Variants in AVEN observed in about 807,000 individuals in gnomAD.
AVEN encodes the protein cell death regulator Aven.
Under a neutral mutation model 38.1 loss-of-function variants are expected in AVEN, and 41 were observed. The observed-to-expected ratio is 1.08, with a 90% CI of 0.84 to 1.40. The LOEUF (loss-of-function observed/expected upper bound fraction) is 1.40. Among genes scored for constraint, AVEN ranks in the 40% most tolerant of loss-of-function variants. AVEN has a pLI of 0.00. For synonymous variants in AVEN, 206 were observed against 171.8 expected, an observed-to-expected ratio of 1.20 and a Z score of -1.56; for missense variants, 605 against 438.8, an observed-to-expected ratio of 1.38 and a Z score of -3.38.
chr15:34,046,334 G>T (rs1899678442), intron 5 of AVEN, among the ~76,000 whole-genome samples: 1 of 91,082 alleles, frequency 1.1e-5, no homozygotes, highest in South Asian at 4.9e-4. Flanking sequence ...CTCCCAAAAA[G>T]TGAGGCAGGA....
At chr15:33,928,717 A>G (rs1893724758) in intron 2 of AVEN, among the ~76,000 whole-genome samples, 1 of 152,194 alleles carries the variant, frequency 6.6e-6, no homozygotes, top group African/African-American at 2.4e-5. Context: ...CATCCTTCCC[A>G]GAGGGACTGC....
chr15:34,029,812 T>G (rs1200379409), intron 1 of AVEN, among the ~76,000 whole-genome samples: 3 of 152,228 alleles, frequency 2.0e-5, no homozygotes, highest in African/African-American at 7.2e-5. Flanking sequence ...AATATAAGAC[T>G]AATCTTCAAT....
chr15:34,073,731 G>A (rs1168323638), intron 1 of AVEN, among the ~76,000 whole-genome samples: 3 of 151,028 alleles, frequency 2.0e-5, no homozygotes, highest in African/African-American at 7.3e-5. Flanking sequence ...ATGTTGGCCA[G>A]GCTGGTCTTG....
At chr15:33,854,508 A>G, downstream of AVEN, 4 of 1,396,704 alleles carry the variant, frequency 2.9e-6, no homozygotes, top group South Asian at 5.2e-5. Flanking sequence ...TGCCACAGAG[A>G]AGCAAGCTAT....
chr15:33,978,993 C>A (rs547774314), intron 2 of AVEN, among the ~76,000 whole-genome samples: 8 of 152,124 alleles, frequency 5.3e-5, no homozygotes, highest in Admixed American at 3.9e-4. Context: ...ATAAATGGGA[C>A]CTACTGGCTC....
intron 1 of AVEN, among the ~76,000 whole-genome samples, chr15:34,028,915 A>G (rs900508262): frequency 3.9e-5 from 6 of 152,086 alleles, no homozygotes; most frequent in Non-Finnish European, 8.8e-5. Context: ...AAAAATTGGG[A>G]GAGAAAGTAA....
intron 2 of AVEN, among the ~76,000 whole-genome samples, chr15:33,911,817 C>G (rs1032885181): frequency 1.1e-4 from 16 of 152,164 alleles, no homozygotes; most frequent in African/African-American, 3.6e-4. Context: ...TACAGGCTAG[C>G]AACTAGCTAA....
At chr15:34,073,022 T>C (rs537658975) in intron 1 of AVEN, among the ~76,000 whole-genome samples, 11 of 138,590 alleles carry the variant, frequency 7.9e-5, no homozygotes, top group Admixed American at 7.2e-4. Flanking sequence ...CTTTTTTCTA[T>C]GTACAGACAC....
At chr15:33,863,375 T>A (rs149069786), downstream of AVEN, among the ~76,000 whole-genome samples, 4,929 of 152,276 alleles carry the variant, frequency 0.032, 156 homozygotes, top group Non-Finnish European at 0.039. Flanking sequence ...TGACGCTCTA[T>A]ACACTATACC....
At chr15:34,012,331 C>T (rs1305968926) in intron 1 of AVEN, among the ~76,000 whole-genome samples, 1 of 152,082 alleles carries the variant, frequency 6.6e-6, no homozygotes, top group Non-Finnish European at 1.5e-5. Flanking sequence ...TAAAACATTT[C>T]CTTTGTTAAA....
downstream of AVEN, chr15:33,864,909 AG>A: frequency 2.0e-6 from 1 of 502,598 alleles, no homozygotes; most frequent in Non-Finnish European, 3.5e-6. Flanking sequence ...TTTGGGGCAG[AG>A]GGGGATTTTT....
At chr15:33,956,544 T>C (rs981665008) in intron 2 of AVEN, among the ~76,000 whole-genome samples, 2 of 150,460 alleles carry the variant, frequency 1.3e-5, no homozygotes, top group African/African-American at 2.5e-5. Context: ...AAACACATCA[T>C]ATATATTGGA....
chr15:34,004,546 A>C (rs1897259968), intron 1 of AVEN, among the ~76,000 whole-genome samples: 1 of 152,324 alleles, frequency 6.6e-6, no homozygotes, highest in African/African-American at 2.4e-5. Flanking sequence ...GATTATATTA[A>C]GGAAATACCA....
chr15:34,068,499 G>A (rs2879445), intron 2 of AVEN, among the ~76,000 whole-genome samples: 150,685 of 152,276 alleles, frequency 0.99, 74,577 homozygotes, highest in Middle Eastern at 1. Flanking sequence ...GAACCACCGC[G>A]TCTGACCTTA....
chr15:33,934,894 T>C (rs1894000730), intron 2 of AVEN, among the ~76,000 whole-genome samples: 1 of 152,192 alleles, frequency 6.6e-6, no homozygotes, highest in African/African-American at 2.4e-5. Flanking sequence ...TAAATGAGAA[T>C]TCCTACTTCA....
At position 34,038,833 on chromosome 15, in the gene AVEN, G is replaced by A; in HGVS notation, c.214C>T (p.Pro72Ser). ...ARGGRGGGGA[P>S]RGSRREPGGW... is the part of the protein sequence containing the mutation. ...CCCGGCTCCCGGCGGCTGCCTCGCG[G>A]GGCGCCTCCTCCTCCTCGGCCTCCG... is the stretch of plus-strand genomic sequence containing the variant. The change falls in exon 1 of 6, where the codon CCG becomes TCG. Residue 72 changes from proline to serine, a missense_variant. By Grantham distance (74) the Pro-to-Ser change is moderately conservative. Transcript: ENST00000306730. The A allele has an allele frequency of 8.4e-7, 1 of 1,189,580 alleles. No homozygotes were observed. Among genetic ancestry groups the A allele is most frequent in the Non-Finnish European group, 1.0e-6 (1 of 961,026 alleles). The allele number at this position is 1,189,580 out of a possible 1,614,324, so 73.7% of individuals were successfully genotyped here.
At chr15:33,865,553 G>C (rs180758529), downstream of AVEN, 1 of 249,144 alleles carries the variant, frequency 4.0e-6, no homozygotes, top group East Asian at 8.5e-5. Context: ...GGCTAGAGAA[G>C]TATGAAATCT....
At chr15:33,904,682 TAAA>T (rs77784482) in intron 2 of AVEN, among the ~76,000 whole-genome samples, 164 of 133,808 alleles carry the variant, frequency 1.2e-3, no homozygotes, top group Middle Eastern at 7.4e-3. Flanking sequence ...ACTGTTTCTT[TAAA>T]AAAAAAAAAA....
intron 2 of AVEN, chr15:33,883,795 A>G (rs1891590217): frequency 6.6e-6 from 1 of 152,212 alleles, no homozygotes; most frequent in South Asian, 2.1e-4. Flanking sequence ...GAAAATCTAG[A>G]GAAAAAGCTC....
Sources: gnomAD v4.1 joint callset for allele counts (sites outside exome capture counted in the v4.1 genomes callset) on GRCh38, gnomAD v4.1.1 for gene constraint, MANE v1.5 for transcripts, NCBI Gene and HGNC (gene_info 2026-07-23, HGNC 2026-07-21) for gene names.